Variants in PCDH7 observed in about 807,000 individuals in gnomAD.
The protein encoded by PCDH7 is protocadherin 7.
In PCDH7, 17 loss-of-function variants were observed where a neutral mutation model predicts 58.9. That is an observed-to-expected ratio of 0.29 (90% CI 0.20 to 0.43). PCDH7 has a LOEUF of 0.43. Among genes scored for constraint, PCDH7 ranks in the 20% least tolerant of loss-of-function variants. PCDH7 has a pLI of 1.00. For missense variants in PCDH7, 1,274 were observed against 1,441.0 expected, an observed-to-expected ratio of 0.88 and a Z score of 1.88; for synonymous variants, 664 against 616.4, an observed-to-expected ratio of 1.08 and a Z score of -1.14.
At chr4:30,782,512 A>C (rs762546793) in intron 1 of PCDH7, among the ~76,000 whole-genome samples, 1 of 152,200 alleles carries the variant, frequency 6.6e-6, no homozygotes, top group Non-Finnish European at 1.5e-5. Context: ...ATTGTAGGAG[A>C]GAAAAGATTT....
At chr4:31,113,626 T>C (rs1396380134) in intron 3 of PCDH7, among the ~76,000 whole-genome samples, 1 of 152,098 alleles carries the variant, frequency 6.6e-6, no homozygotes, top group African/African-American at 2.4e-5. Context: ...TTAAATAAAA[T>C]AGTTTATTTT....
At chr4:30,897,056 C>A (rs918055952) in intron 1 of PCDH7, among the ~76,000 whole-genome samples, 2 of 151,832 alleles carry the variant, frequency 1.3e-5, no homozygotes, top group African/African-American at 4.8e-5. Flanking sequence ...AGGCGCCCAC[C>A]ACCATGCTTG....
At chr4:30,832,341 C>T (rs1379184315) in intron 1 of PCDH7, among the ~76,000 whole-genome samples, 1 of 152,116 alleles carries the variant, frequency 6.6e-6, no homozygotes, top group East Asian at 1.9e-4. Flanking sequence ...TTCTTGCTTA[C>T]TTGCTTTCTT....
At chr4:31,021,958 T>A (rs1754056284) in intron 3 of PCDH7, among the ~76,000 whole-genome samples, 1 of 152,212 alleles carries the variant, frequency 6.6e-6, no homozygotes, top group African/African-American at 2.4e-5. Flanking sequence ...TTTGAAATTA[T>A]AAGGTGAATG....
intron 3 of PCDH7, among the ~76,000 whole-genome samples, chr4:30,956,910 A>T (rs528636977): frequency 6.6e-6 from 1 of 152,308 alleles, no homozygotes; most frequent in African/African-American, 2.4e-5. Context: ...TATAGAAGAA[A>T]CAGAAAAACA....
intron 3 of PCDH7, among the ~76,000 whole-genome samples, chr4:30,952,683 G>C (rs937054145): frequency 6.6e-6 from 1 of 152,116 alleles, no homozygotes; most frequent in Non-Finnish European, 1.5e-5. Flanking sequence ...AAAAGCCTTT[G>C]AGGTAAAATG....
rs564156648 is a variant in PCDH7 at position 30,863,057 on chromosome 4, A to G, written c.71-57096A>G. ...TGTCTGGACAGCTTTGGCATTACCAATAAATGTGTTCCCTTTGCAATTTCA... is the reference window on the plus strand; with the variant it reads ...TGTCTGGACAGCTTTGGCATTACCAGTAAATGTGTTCCCTTTGCAATTTCA... On this transcript the variant is annotated intron_variant, in intron 1 of 3. Coordinates refer to the PCDH7 transcript ENST00000509759. Among the ~76,000 whole-genome samples the G allele has an allele frequency of 5.7e-4, 87 of 152,288 alleles. No homozygotes were observed. The South Asian group carries it at 0.017, about 30-fold the overall frequency.
rs117755827 is a variant in PCDH7 at position 30,968,696 on chromosome 4, A to G, written c.*7+18481A>G. 9.3e-4 allele frequency among the ~76,000 whole-genome samples: 142 copies of G among 152,154 alleles called. 2 individuals carry two copies. In the East Asian group the frequency reaches 0.025, roughly 27 times the overall value. Reference sequence around the variant, plus strand: ...AGCTTTAATAAAGAACTGCCTAACAATTTGTAGTTTTCATGTCTCTGTGTG... The same window carrying G: ...AGCTTTAATAAAGAACTGCCTAACAGTTTGTAGTTTTCATGTCTCTGTGTG... On this transcript the variant is annotated intron_variant, in intron 3 of 3. Transcript: ENST00000509759.
chr4:31,055,722 G>T (rs1238445468), intron 3 of PCDH7, among the ~76,000 whole-genome samples: 1 of 151,794 alleles, frequency 6.6e-6, no homozygotes, highest in African/African-American at 2.4e-5. Flanking sequence ...GACTACAGGT[G>T]CCCACCACCA....
intron 1 of PCDH7, among the ~76,000 whole-genome samples, chr4:30,844,347 A>G (rs150407112): frequency 6.6e-6 from 1 of 152,350 alleles, no homozygotes; most frequent in East Asian, 1.9e-4. Context: ...AACAAATAGT[A>G]TAATCAGCAA....
At chr4:30,973,862 A>T (rs192532953) in intron 3 of PCDH7, among the ~76,000 whole-genome samples, 302 of 152,292 alleles carry the variant, frequency 2.0e-3, no homozygotes, top group African/African-American at 7.1e-3. Context: ...AGAAAAAAAA[A>T]ATACAACCTG....
At chr4:30,813,703 ATGGTCT>A (rs1727290608) in intron 1 of PCDH7, among the ~76,000 whole-genome samples, 1 of 152,122 alleles carries the variant, frequency 6.6e-6, no homozygotes, top group South Asian at 2.1e-4. Flanking sequence ...GTGCAGTGGC[ATGGTCT>A]CTGCTCACTG....
intron 1 of PCDH7, among the ~76,000 whole-genome samples, chr4:30,776,500 A>C (rs1722086686): frequency 6.6e-6 from 1 of 152,222 alleles, no homozygotes; most frequent in African/African-American, 2.4e-5. Context: ...CATGTTTTAG[A>C]GATGACAGTT....
At chr4:31,043,899 T>G (rs1334165613) in intron 3 of PCDH7, among the ~76,000 whole-genome samples, 2 of 152,136 alleles carry the variant, frequency 1.3e-5, no homozygotes, top group African/African-American at 4.8e-5. Flanking sequence ...GCAATTGCTT[T>G]GTCATGGTAA....
intron 1 of PCDH7, among the ~76,000 whole-genome samples, chr4:30,877,510 T>A (rs1444979193): frequency 6.6e-6 from 1 of 152,126 alleles, no homozygotes; most frequent in East Asian, 1.9e-4. Context: ...AAAATACGGT[T>A]TGAACTGAAG....
downstream of PCDH7, among the ~76,000 whole-genome samples, chr4:30,733,856 A>G (rs1290565728): frequency 6.6e-6 from 1 of 152,206 alleles, no homozygotes; most frequent in Non-Finnish European, 1.5e-5. Flanking sequence ...TTTGGAATAT[A>G]GAAGAATTCC....
intron 3 of PCDH7, among the ~76,000 whole-genome samples, chr4:30,970,062 TG>T: frequency 6.6e-6 from 1 of 152,336 alleles, no homozygotes; most frequent in South Asian, 2.1e-4. Flanking sequence ...TCACCCAATG[TG>T]TTATCCTGGT....
At chr4:31,079,875 T>G (rs1759358375) in intron 3 of PCDH7, among the ~76,000 whole-genome samples, 1 of 151,670 alleles carries the variant, frequency 6.6e-6, no homozygotes, top group South Asian at 2.1e-4. Context: ...AAATAGAGGA[T>G]CATATGGAAC....
At chr4:31,135,222 C>T (rs1719454923) in intron 3 of PCDH7, among the ~76,000 whole-genome samples, 1 of 152,150 alleles carries the variant, frequency 6.6e-6, no homozygotes, top group Non-Finnish European at 1.5e-5. Flanking sequence ...GCTCCTCGTG[C>T]TGCCCATGCA....
Sources: allele counts gnomAD v4.1 joint callset (sites outside exome capture counted in the v4.1 genomes callset), GRCh38; gene constraint gnomAD v4.1.1; transcripts MANE v1.5; gene names NCBI Gene and HGNC (gene_info 2026-07-23, HGNC 2026-07-21).